ANK2: variants seen among roughly 807,000 people sequenced by gnomAD.
ANK2 encodes the protein ankyrin 2, also known as ankyrin-2.
A neutral mutation model predicts 360.5 loss-of-function variants in ANK2; 83 were observed. The ratio of observed to expected loss-of-function variants is 0.23; its 90% CI spans 0.19 to 0.28. The LOEUF (loss-of-function observed/expected upper bound fraction) is 0.28. Among genes scored for constraint, ANK2 ranks in the 10% least tolerant of loss-of-function variants. The pLI is 1.00. For missense variants in ANK2, 4,201 were observed against 4,795.7 expected, an observed-to-expected ratio of 0.88 and a Z score of 3.66; for synonymous variants, 1,740 against 1,759.5, an observed-to-expected ratio of 0.99 and a Z score of 0.28.
At chr4:112,958,487 G>A (rs1317447851) in intron 2 of ANK2, among the ~76,000 whole-genome samples, 1 of 152,168 alleles carries the variant, frequency 6.6e-6, no homozygotes, top group Non-Finnish European at 1.5e-5. Flanking sequence ...GCAGGCACTC[G>A]GCAGGCTGAG....
chr4:113,262,477 G>A (rs910544318), intron 13 of ANK2, among the ~76,000 whole-genome samples: 4 of 152,058 alleles, frequency 2.6e-5, no homozygotes, highest in African/African-American at 7.2e-5. Context: ...CAATACTCCT[G>A]CCTTGGCCTC....
At chr4:112,957,059 C>T (rs1216735719) in intron 2 of ANK2, among the ~76,000 whole-genome samples, 1 of 129,776 alleles carries the variant, frequency 7.7e-6, no homozygotes, top group Non-Finnish European at 1.6e-5. Context: ...GTGTTTCTCG[C>T]AGAGGGGGAT....
intron 4 of ANK2, among the ~76,000 whole-genome samples, chr4:113,219,651 A>G (rs1414420898): frequency 6.6e-6 from 1 of 152,130 alleles, no homozygotes; most frequent in Non-Finnish European, 1.5e-5. Flanking sequence ...TTGTAGTTTA[A>G]CCTCATACTT....
chr4:112,749,774 T>G, the ANK2 span, among the ~76,000 whole-genome samples: 3 of 152,004 alleles, frequency 2.0e-5, no homozygotes, highest in Non-Finnish European at 4.4e-5. Flanking sequence ...TGAGACAGAG[T>G]CTTGCTCTGT....
At chr4:113,031,955 A>C (rs2060506013) in intron 2 of ANK2, among the ~76,000 whole-genome samples, 1 of 152,052 alleles carries the variant, frequency 6.6e-6, no homozygotes, top group Admixed American at 6.6e-5. Flanking sequence ...GTTTTCAGGT[A>C]ATCATAATTA....
intron 1 of ANK2, among the ~76,000 whole-genome samples, chr4:112,866,503 C>T (rs2150184321): frequency 6.6e-6 from 1 of 152,314 alleles, no homozygotes; most frequent in South Asian, 2.1e-4. Context: ...TAAAAGACAG[C>T]ATTGTTCCTT....
intron 7 of ANK2, among the ~76,000 whole-genome samples, chr4:113,239,673 A>G (rs145389204): frequency 6.6e-6 from 1 of 152,220 alleles, no homozygotes; most frequent in Admixed American, 6.5e-5. Flanking sequence ...AAGGAAATAT[A>G]TTTTTTTCAT....
intron 10 of ANK2, among the ~76,000 whole-genome samples, chr4:113,253,813 C>T (rs1282204043): frequency 6.6e-6 from 1 of 152,142 alleles, no homozygotes; most frequent in Non-Finnish European, 1.5e-5. Flanking sequence ...ATGGTCTATT[C>T]TCAGCACAGC....
At chr4:113,312,761 G>T (rs758978124) in intron 24 of ANK2, among the ~76,000 whole-genome samples, 1 of 152,180 alleles carries the variant, frequency 6.6e-6, no homozygotes, top group Admixed American at 6.5e-5. Flanking sequence ...CAGTGTTGCT[G>T]GAGTGTAAGT....
intron 4 of ANK2, among the ~76,000 whole-genome samples, chr4:113,212,256 G>T (rs574038796): frequency 6.6e-6 from 1 of 151,866 alleles, no homozygotes; most frequent in Admixed American, 6.6e-5. Context: ...TTTCATATTT[G>T]GTGCAATTAC....
intron 1 of ANK2, among the ~76,000 whole-genome samples, chr4:113,106,549 C>T (rs886857234): frequency 2.6e-5 from 4 of 152,076 alleles, no homozygotes; most frequent in African/African-American, 7.2e-5. Flanking sequence ...TGGGATCAGT[C>T]GTAATCCTTA....
At chr4:113,374,815 G>A in intron 45 of ANK2, 1 of 1,251,028 alleles carries the variant, frequency 8.0e-7, no homozygotes. Context: ...ATTTCAGGCT[G>A]AGCCAGTGGA....
chr4:113,021,016 G>C (rs2057941168), intron 2 of ANK2, among the ~76,000 whole-genome samples: 1 of 151,970 alleles, frequency 6.6e-6, no homozygotes, highest in Admixed American at 6.6e-5. Flanking sequence ...TTGTTATGAG[G>C]CAGGGGCTAT....
chr4:113,336,016 C>T lies in ANK2; in HGVS notation c.3550C>T (p.Pro1184Ser), dbSNP rs2093477363. The change falls in exon 30 of 46, where the codon CCA becomes TCA. Residue 1184 changes from proline to serine, a missense_variant. Physicochemically the swap from Pro to Ser is moderately conservative, Grantham distance 74. This residue lies in a region of ANK2 where 1,268 missense variants were observed against 1,650.8 expected (regional missense o/e 0.77). Coordinates refer to ENST00000357077, the MANE Select transcript of ANK2 (RefSeq NM_001148.6). ...GGTGCCCCAGGTGCAGGCCGTCTTC[C>T]CAGAGGGGGCACTCACCAAGCGGAT... ...TVVPQVQAVF[P>S]EGALTKRIRV... The T allele has an allele frequency of 6.2e-7, 1 of 1,613,956 alleles. No individual in the cohort carries two copies. Among genetic ancestry groups the T allele is most frequent in the Non-Finnish European group, 8.5e-7 (1 of 1,180,020 alleles).
At chr4:113,301,169 G>A (rs1263577733) in intron 22 of ANK2, among the ~76,000 whole-genome samples, 2 of 151,920 alleles carry the variant, frequency 1.3e-5, no homozygotes, top group Non-Finnish European at 1.5e-5. Flanking sequence ...TTTTTTTAAA[G>A]TTTCCATGAC....
chr4:113,132,472 A>C (rs2096107828), intron 1 of ANK2, among the ~76,000 whole-genome samples: 1 of 152,202 alleles, frequency 6.6e-6, no homozygotes, highest in African/African-American at 2.4e-5. Context: ...AATTGATAGG[A>C]AATTTTTTAG....
chr4:112,742,949 T>G, the ANK2 span, among the ~76,000 whole-genome samples: 2 of 151,920 alleles, frequency 1.3e-5, no homozygotes, highest in African/African-American at 4.8e-5. Context: ...TGGTCTCGAC[T>G]GGCCTCTCAT....
upstream of ANK2, among the ~76,000 whole-genome samples, chr4:112,817,610 C>T (rs1285014935): frequency 1.3e-5 from 2 of 151,722 alleles, no homozygotes; most frequent in Non-Finnish European, 2.9e-5. Flanking sequence ...ACACACACCA[C>T]CTACCAATAT....
the ANK2 span, among the ~76,000 whole-genome samples, chr4:112,751,268 A>G: frequency 1.3e-5 from 2 of 152,208 alleles, no homozygotes; most frequent in Admixed American, 1.3e-4. Flanking sequence ...ACAATGCCAT[A>G]TACCAGCAGC....
Sources: gnomAD v4.1 joint callset for allele counts (sites outside exome capture counted in the v4.1 genomes callset) on GRCh38, gnomAD v4.1.1 for gene constraint, gnomAD v4.1.1 regional missense constraint, MANE v1.5 for transcripts, NCBI Gene and HGNC (gene_info 2026-07-23, HGNC 2026-07-21) for gene names.